NRAP: variants seen among roughly 807,000 people sequenced by gnomAD.
NRAP encodes nebulin related anchoring protein, also known as nebulin-related-anchoring protein.
Under a neutral mutation model 225.9 loss-of-function variants are expected in NRAP, and 189 were observed. The ratio of observed to expected loss-of-function variants is 0.84; its 90% confidence interval spans 0.74 to 0.94. NRAP has a LOEUF of 0.94. Ranked by LOEUF, NRAP falls within the 40% of genes least tolerant of loss-of-function variation. The pLI, the probability that NRAP is intolerant of heterozygous loss-of-function variation, is 0.00. For missense variants in NRAP, 2,176 were observed against 2,168.7 expected (o/e 1.00, Z -0.07); for synonymous variants, 769 against 790.7 (o/e 0.97, Z 0.46).
chr10:113,632,929 C>T lies in NRAP; in HGVS notation c.1632+155G>A, dbSNP rs548416556. On this transcript the variant is annotated intron_variant, in intron 16 of 41. Coordinates refer to ENST00000359988, the MANE Select transcript of NRAP (RefSeq NM_198060.4). ...TTATCACTAGTAAACTACAACGTGC[C>T]ATGACATAGCAAAATTCAAAGTTAC... is the stretch of plus-strand genomic sequence containing the variant. Among the ~76,000 whole-genome samples, 6 of 152,286 alleles carry T rather than the reference C, an allele frequency of 3.9e-5. No individual in the cohort carries two copies. The South Asian group carries it at 1.0e-3, about 26-fold the overall frequency.
rs751044186 is a variant in NRAP, at chr10:113,629,914, C to G, written c.1843-129G>C. The stretch of plus-strand genomic sequence containing the variant: ...AATCGGCACTCTGGGCACTGCCACC[C>G]TTCTGTCAGAAAGGCCCAAGTCCTG... On this transcript the variant is annotated intron_variant, in intron 18 of 41. Transcript: ENST00000359988. 2.0e-5 allele frequency: 13 copies of G among 649,296 alleles called. No individual in the cohort carries two copies. The South Asian group carries it at 2.4e-4, about 12-fold the overall frequency. 40.2% of individuals were successfully genotyped at this position (649,296 alleles called of 1,614,324 possible).
chr10:113,662,003 C>T (rs566011130), intron 3 of NRAP, among the ~76,000 whole-genome samples: 2 of 152,304 alleles, frequency 1.3e-5, no homozygotes, highest in African/African-American at 4.8e-5. Flanking sequence ...TATAAACTGT[C>T]ATCATTTTAT....
chr10:113,589,553 C>T (rs981411174), intron 41 of NRAP, 113 bp downstream of exon 41: 2 of 1,325,092 alleles, frequency 1.5e-6, no homozygotes, highest in Non-Finnish European at 2.1e-6. Context: ...GCGTTTCACA[C>T]TTCTTTAGAG....
chr10:113,602,970 A>T (rs1846697834), intron 35 of NRAP, among the ~76,000 whole-genome samples: 1 of 152,234 alleles, frequency 6.6e-6, no homozygotes, highest in Non-Finnish European at 1.5e-5. Context: ...GTTACTAAAT[A>T]TCCTGAAATG....
intron 12 of NRAP, among the ~76,000 whole-genome samples, chr10:113,642,243 G>T (rs913813858): frequency 6.6e-6 from 1 of 152,196 alleles, no homozygotes; most frequent in South Asian, 2.1e-4. Context: ...AGTGGCTCAG[G>T]GAGCTTAAAC....
chr10:113,593,246 T>A (rs937639668), intron 38 of NRAP, among the ~76,000 whole-genome samples: 1 of 152,148 alleles, frequency 6.6e-6, no homozygotes, highest in African/African-American at 2.4e-5. Context: ...AGGGGGCCCT[T>A]AAGAACCGTC....
chr10:113,642,972 A>T lies in NRAP; in HGVS notation c.1177T>A (p.Phe393Ile), dbSNP rs1849293588. 1 of 1,607,476 alleles carries T rather than the reference A, an allele frequency of 6.2e-7. No homozygotes were observed. The highest frequency in any genetic ancestry group is 1.3e-5 in the African/African-American group (1 of 74,788). ...TTTGAGATCTTGCTCACGTTCCTGA[A>T]TTGAGGTGTTTCACAGTAGTTGATA... ...HSINYCETPQ[F>I]RNVSKISKFT... Residue 393 changes from phenylalanine (F) to isoleucine (I), a missense_variant, in exon 12 of 42, where the codon TTC becomes ATC. Physicochemically the swap from Phe to Ile is conservative, Grantham distance 21. Coordinates refer to ENST00000359988, the MANE Select transcript of NRAP (RefSeq NM_198060.4).
chr10:113,616,398 C>T (rs1564719546), intron 26 of NRAP, among the ~76,000 whole-genome samples: 1 of 152,134 alleles, frequency 6.6e-6, no homozygotes, highest in African/African-American at 2.4e-5. Context: ...TTTTCCATCC[C>T]AAATCTTATC....
At position 113,640,290 on chromosome 10, in the gene NRAP, G is replaced by A. The variant is rs754443343; in HGVS notation, c.1365C>T (p.Tyr455=). Residue 455 remains tyrosine, a synonymous_variant, in exon 14 of 42, where the codon TAC becomes TAT. Transcript: ENST00000359988. ...KADYKHDIVD[Y]NYPATLTPSY... is the part of the protein sequence containing the mutation. ...AAGGCGTGAGAGTGGCTGGGTAGTT[G>A]TAGTCGACAATATCATGTTTATAAT... The A allele has an allele frequency of 6.2e-7, 1 of 1,602,810 alleles. No individual in the cohort carries two copies. Among genetic ancestry groups the A allele is most frequent in the South Asian group, 1.1e-5 (1 of 90,212 alleles).
At position 113,590,809 on chromosome 10, in the gene NRAP, C is replaced by T. The variant is rs1845932339; in HGVS notation, c.4725G>A (p.Lys1575=). Residue 1575 remains lysine (K), a synonymous_variant, in exon 40 of 42, where the codon AAG becomes AAA. Transcript: ENST00000359988. ...YRSVDDDPRM[K]HFLNVGRLQS... ...GGAGCCTGCCAACGTTGAGGAAATG[C>T]TTCATCCTTGGGTCATCGTCGACAC... is the stretch of plus-strand genomic sequence containing the variant. 6.2e-7 allele frequency: 1 copy of T among 1,614,216 alleles called. No individual in the cohort carries two copies. The highest frequency in any genetic ancestry group is 1.3e-5 in the African/African-American group (1 of 75,066).
chr10:113,597,792 C>T (rs1294171190), intron 36 of NRAP, among the ~76,000 whole-genome samples, 177 bp downstream of exon 36: 1 of 152,196 alleles, frequency 6.6e-6, no homozygotes, highest in Admixed American at 6.5e-5. Context: ...GCAGTGAATT[C>T]ATTTGGAGGG....
chr10:113,597,709 G>T (rs1301538999), intron 36 of NRAP, among the ~76,000 whole-genome samples: 1 of 152,168 alleles, frequency 6.6e-6, no homozygotes, highest in Non-Finnish European at 1.5e-5. Context: ...CAAAGAATGG[G>T]CCAGTTTAGA....
chr10:113,594,770 C>T (rs946670082), intron 38 of NRAP, among the ~76,000 whole-genome samples: 6 of 152,226 alleles, frequency 3.9e-5, no homozygotes, highest in South Asian at 2.1e-4. Context: ...AACTAGAAGG[C>T]GCCTCTCGCC....
chr10:113,615,000 A>T, intron 27 of NRAP, 54 bp from the exon 28 acceptor site: 1 of 1,091,130 alleles, frequency 9.2e-7, no homozygotes, highest in South Asian at 1.2e-5. Context: ...GTGGTTTCCT[A>T]AACTCTGGCT....
At chr10:113,599,451 G>A (rs1846470973) in intron 35 of NRAP, among the ~76,000 whole-genome samples, 1 of 152,192 alleles carries the variant, frequency 6.6e-6, no homozygotes, top group African/African-American at 2.4e-5. Context: ...TTCTAAGTTG[G>A]AGAGAATAAT....
intron 25 of NRAP, among the ~76,000 whole-genome samples, chr10:113,620,200 C>A (rs1326271200): frequency 6.6e-6 from 1 of 152,016 alleles, no homozygotes; most frequent in Non-Finnish European, 1.5e-5. Context: ...GTGGCCACCA[C>A]GTGAATATTC....
intron 35 of NRAP, among the ~76,000 whole-genome samples, chr10:113,602,612 A>G (rs1846672406): frequency 6.6e-6 from 1 of 152,250 alleles, no homozygotes; most frequent in East Asian, 1.9e-4. Flanking sequence ...TGCAATGATA[A>G]TTAAATTAAC....
At chr10:113,613,087 A>AC (rs1847430920) in intron 29 of NRAP, among the ~76,000 whole-genome samples, 1 of 151,868 alleles carries the variant, frequency 6.6e-6, no homozygotes, top group Non-Finnish European at 1.5e-5. Context: ...CAGAATCACC[A>AC]CCTCTTCCTC....
At chr10:113,590,512 T>G (rs1388053419) in intron 40 of NRAP, 66 bp downstream of exon 40, 2 of 1,498,996 alleles carry the variant, frequency 1.3e-6, no homozygotes, top group Non-Finnish European at 1.8e-6. Context: ...AACGTGGCAT[T>G]ATGGCCATCT....
Sources: allele counts gnomAD v4.1 joint callset (sites outside exome capture counted in the v4.1 genomes callset), GRCh38; gene constraint gnomAD v4.1.1; transcripts MANE v1.5; gene names NCBI Gene and HGNC (gene_info 2026-07-23, HGNC 2026-07-21).